Variants in RBFOX1 observed in about 807,000 individuals in gnomAD.
RBFOX1 encodes the protein RNA binding protein fox-1 homolog 1.
In RBFOX1, 8 loss-of-function variants were observed where a neutral mutation model predicts 57.7. That is an observed-to-expected ratio of 0.14 (90% CI 0.08 to 0.25). The LOEUF (loss-of-function observed/expected upper bound fraction) is 0.25, where lower values mean the gene tolerates loss of function less well. RBFOX1 is among the 10% of genes least tolerant of loss of function. RBFOX1 has a pLI of 1.00. For missense variants in RBFOX1, 611 were observed against 548.5 expected, an observed-to-expected ratio of 1.11 and a Z score of -1.14; for synonymous variants, 326 against 222.4, an observed-to-expected ratio of 1.47 and a Z score of -4.15.
intron 4 of RBFOX1, among the ~76,000 whole-genome samples, chr16:7,115,222 G>T (rs905063189): frequency 6.6e-6 from 1 of 152,078 alleles, no homozygotes; most frequent in East Asian, 1.9e-4. Flanking sequence ...TGTAAGTAAG[G>T]GGTGGACATT....
chr16:5,489,657 CA>C (rs1447434406), intron 2 of RBFOX1, among the ~76,000 whole-genome samples: 1 of 152,170 alleles, frequency 6.6e-6, no homozygotes, highest in Non-Finnish European at 1.5e-5. Context: ...TGCAGGAGTT[CA>C]GAGCCACCCA....
At chr16:5,882,265 C>T (rs985992245) in intron 4 of RBFOX1, among the ~76,000 whole-genome samples, 1 of 152,158 alleles carries the variant, frequency 6.6e-6, no homozygotes, top group South Asian at 2.1e-4. Flanking sequence ...TCCCATTTTA[C>T]AGATTGGGCA....
intron 4 of RBFOX1, among the ~76,000 whole-genome samples, chr16:5,869,814 T>A (rs1314142221): frequency 6.6e-6 from 1 of 152,152 alleles, no homozygotes; most frequent in Non-Finnish European, 1.5e-5. Flanking sequence ...CAATTCCACT[T>A]CTACTTGTAT....
chr16:7,221,526 C>G (rs902430004), intron 4 of RBFOX1, among the ~76,000 whole-genome samples: 2 of 152,006 alleles, frequency 1.3e-5, no homozygotes, highest in Admixed American at 6.6e-5. Context: ...GCCATCACAC[C>G]TAGCTAATTT....
intron 2 of RBFOX1, among the ~76,000 whole-genome samples, chr16:5,547,126 G>A (rs539553358): frequency 5.9e-5 from 9 of 152,254 alleles, no homozygotes; most frequent in African/African-American, 9.6e-5. Context: ...ATGAAGAGAA[G>A]CTGGAACTCT....
intron 14 of RBFOX1, among the ~76,000 whole-genome samples, chr16:7,677,405 A>G (rs1040172348): frequency 1.3e-5 from 2 of 152,198 alleles, no homozygotes; most frequent in Non-Finnish European, 2.9e-5. Flanking sequence ...GTCCAATCCT[A>G]CAAACATAAG....
intron 4 of RBFOX1, among the ~76,000 whole-genome samples, chr16:7,486,850 G>T (rs1217433408): frequency 6.6e-6 from 1 of 152,132 alleles, no homozygotes; most frequent in Non-Finnish European, 1.5e-5. Flanking sequence ...TTTTTGTTCA[G>T]CCTCCTTGCC....
At chr16:6,973,205 C>T (rs74010408) in intron 3 of RBFOX1, among the ~76,000 whole-genome samples, 4,369 of 119,668 alleles carry the variant, frequency 0.037, 199 homozygotes, top group African/African-American at 0.12. Context: ...TGGTGGGGGG[C>T]GGGGTTGGAG....
At chr16:6,379,260 C>G (rs936145443) in intron 2 of RBFOX1, among the ~76,000 whole-genome samples, 3 of 152,054 alleles carry the variant, frequency 2.0e-5, no homozygotes, top group Non-Finnish European at 4.4e-5. Context: ...GGCAATGGTA[C>G]TCAAAACCAT....
At chr16:7,043,481 C>G (rs921933746) in intron 3 of RBFOX1, among the ~76,000 whole-genome samples, 1 of 152,196 alleles carries the variant, frequency 6.6e-6, no homozygotes, top group Non-Finnish European at 1.5e-5. Flanking sequence ...AGGGCTCACC[C>G]TAGGTACTTG....
chr16:6,777,855 C>A (rs569026447), intron 3 of RBFOX1, among the ~76,000 whole-genome samples: 3 of 152,224 alleles, frequency 2.0e-5, no homozygotes, highest in Non-Finnish European at 4.4e-5. Context: ...TAAGAGTATT[C>A]CTCAGAGGTG....
chr16:5,357,556 C>T (rs1451941720), intron 1 of RBFOX1, among the ~76,000 whole-genome samples: 1 of 152,188 alleles, frequency 6.6e-6, no homozygotes, highest in Non-Finnish European at 1.5e-5. Flanking sequence ...CAGCTGGGAT[C>T]TTGTGAAAAT....
intron 2 of RBFOX1, among the ~76,000 whole-genome samples, chr16:6,493,234 T>C (rs116368583): frequency 0.029 from 4,460 of 152,214 alleles, 217 homozygotes; most frequent in African/African-American, 0.1. Context: ...CTGAAAATCA[T>C]TGGATTCACA....
chr16:7,449,022 C>T (rs561209070), intron 4 of RBFOX1, among the ~76,000 whole-genome samples: 17 of 150,412 alleles, frequency 1.1e-4, no homozygotes, highest in African/African-American at 2.9e-4. Flanking sequence ...CTCCACCTCC[C>T]GGGTTCAAAC....
intron 3 of RBFOX1, among the ~76,000 whole-genome samples, chr16:5,717,666 C>T (rs2151524061): frequency 6.6e-6 from 1 of 152,300 alleles, no homozygotes; most frequent in South Asian, 2.1e-4. Context: ...CCAGCTCCAT[C>T]CAAGTTGCTG....
chr16:5,289,874 G>C (rs923335876), intron 1 of RBFOX1, among the ~76,000 whole-genome samples: 1 of 152,222 alleles, frequency 6.6e-6, no homozygotes, highest in Non-Finnish European at 1.5e-5. Flanking sequence ...TTCTACTCCA[G>C]TTTATGAAAG....
At chr16:7,199,632 G>C (rs556793324) in intron 4 of RBFOX1, among the ~76,000 whole-genome samples, 1 of 152,186 alleles carries the variant, frequency 6.6e-6, no homozygotes, top group African/African-American at 2.4e-5. Flanking sequence ...AGTAGCTCAC[G>C]CCTGTAATCC....
At chr16:5,658,988 C>G (rs1390743675) in intron 3 of RBFOX1, among the ~76,000 whole-genome samples, 1 of 151,786 alleles carries the variant, frequency 6.6e-6, no homozygotes, top group Non-Finnish European at 1.5e-5. Context: ...CATGCATGAG[C>G]AATTATCTTT....
rs964502670 is a variant in RBFOX1, at chr16:6,885,576, G to A, written c.-15-166481G>A. ...AAATGGAGTCTTGCTCTGTCATCCAGGCTGGAGTGTAATGGCACAGTCTCG... is the reference window on the plus strand; with the variant it reads ...AAATGGAGTCTTGCTCTGTCATCCAAGCTGGAGTGTAATGGCACAGTCTCG... On this transcript the variant is annotated intron_variant, in intron 3 of 15. Coordinates refer to ENST00000550418, the MANE Select transcript of RBFOX1 (RefSeq NM_018723.4). Among the ~76,000 whole-genome samples, 4 of 151,672 alleles carry A rather than the reference G, an allele frequency of 2.6e-5. No individual in the cohort carries two copies. The South Asian group carries it at 8.3e-4, about 32-fold the overall frequency.
Sources: allele counts gnomAD v4.1 joint callset (sites outside exome capture counted in the v4.1 genomes callset), GRCh38; gene constraint gnomAD v4.1.1; transcripts MANE v1.5; gene names NCBI Gene and HGNC (gene_info 2026-07-23, HGNC 2026-07-21).